Variants in PCDHGA3 observed in about 807,000 individuals in gnomAD.
PCDHGA3 encodes the protein protocadherin gamma subfamily A, 3.
Under a neutral mutation model 58.5 loss-of-function variants are expected in PCDHGA3, and 40 were observed. That is an observed-to-expected ratio of 0.68 (90% CI 0.53 to 0.89). The LOEUF is 0.89. PCDHGA3 is among the 40% of genes least tolerant of loss of function. PCDHGA3 has a pLI of 0.00. For synonymous variants in PCDHGA3, 530 were observed against 525.7 expected (o/e 1.01, Z -0.11); for missense variants, 1,223 against 1,195.9 (o/e 1.02, Z -0.33).
intron 1 of PCDHGA3, chr5:141,410,113 A>G (rs760617436): frequency 3.4e-5 from 55 of 1,612,436 alleles, no homozygotes; most frequent in Non-Finnish European, 4.6e-5. Flanking sequence ...ACAGGGACGC[A>G]GCCCGCCAGC....
At chr5:141,410,363 C>T (rs1341289640) in intron 1 of PCDHGA3, 6 of 1,614,068 alleles carry the variant, frequency 3.7e-6, no homozygotes, top group Non-Finnish European at 3.4e-6. Flanking sequence ...CTCTCTCAGC[C>T]CTGCTACTTG....
intron 1 of PCDHGA3, among the ~76,000 whole-genome samples, chr5:141,347,171 CTTTCTTT>C: frequency 6.9e-6 from 1 of 144,420 alleles, no homozygotes; most frequent in South Asian, 2.2e-4. Context: ...TTCTTTCTTT[CTTTCTTT>C]CTTGACAGGG....
intron 1 of PCDHGA3, among the ~76,000 whole-genome samples, chr5:141,453,065 G>A (rs1308047230): frequency 3.3e-5 from 5 of 151,960 alleles, no homozygotes; most frequent in African/African-American, 1.2e-4. Flanking sequence ...TTAGAGTTTT[G>A]CCACACTCTG....
chr5:141,418,998 G>A (rs757681244), intron 1 of PCDHGA3: 4 of 1,613,940 alleles, frequency 2.5e-6, no homozygotes, highest in South Asian at 2.2e-5. Context: ...GGGGAAAATG[G>A]GGAAGTCAGG....
At chr5:141,360,109 G>T (rs1218338018) in intron 1 of PCDHGA3, 3 of 1,561,508 alleles carry the variant, frequency 1.9e-6, no homozygotes, top group African/African-American at 2.7e-5. Context: ...TTCCTCCTAT[G>T]GGCAAAGGAG....
intron 1 of PCDHGA3, among the ~76,000 whole-genome samples, chr5:141,463,314 A>G (rs1357327211): frequency 2.0e-5 from 3 of 151,098 alleles, no homozygotes; most frequent in Non-Finnish European, 2.9e-5. Context: ...TCTAATATCT[A>G]TTCCTCAACT....
intron 1 of PCDHGA3, chr5:141,375,949 C>A: frequency 6.2e-7 from 1 of 1,613,568 alleles, no homozygotes; most frequent in Non-Finnish European, 8.5e-7. Flanking sequence ...TGGGCCTGCA[C>A]ACGGGCGAGG....
chr5:141,352,485 G>A (rs2149769551), intron 1 of PCDHGA3: 4 of 1,613,958 alleles, frequency 2.5e-6, no homozygotes, highest in Non-Finnish European at 3.4e-6. Context: ...CACAGCGAGG[G>A]GACTTTGCCC....
intron 1 of PCDHGA3, among the ~76,000 whole-genome samples, chr5:141,482,530 C>CAAAAAAAAAAAAA (rs3074545): frequency 3.9e-5 from 3 of 76,560 alleles, no homozygotes; most frequent in African/African-American, 9.6e-5. Context: ...GACAGACATG[C>CAAAAAAAAAAAAA]AAAAAAAAAA....
In PCDHGA3 at chr5:141,413,886, C is replaced by T. The variant is rs916273509; in HGVS notation, c.2424+67429C>T. The T allele has an allele frequency of 8.7e-6, 14 of 1,613,202 alleles. No homozygotes were observed. The African/African-American group carries it at 1.7e-4, about 20-fold the overall frequency. On this transcript the variant is annotated intron_variant, in intron 1 of 3. Transcript: ENST00000253812. ...CTGTCCTTGTCAGTGTGACTGTCTT[C>T]GATGCAAATGACAACGCGCCGGTCT...
At chr5:141,381,657 C>T (rs1224064730) in intron 1 of PCDHGA3, among the ~76,000 whole-genome samples, 5 of 152,134 alleles carry the variant, frequency 3.3e-5, no homozygotes, top group East Asian at 1.9e-4. Context: ...AAATGGGTTG[C>T]TTCTATAGCT....
Position 141,412,876 on chromosome 5 carries a change from A to G in PCDHGA3, c.2424+66419A>G, listed in dbSNP as rs1206092699. 12 of 281,096 alleles carry G rather than the reference A, an allele frequency of 4.3e-5. No homozygotes were observed. The East Asian group carries it at 7.9e-4, about 19-fold the overall frequency. The allele number at this position is 281,096 out of a possible 1,614,324, so 17.4% of individuals were successfully genotyped here. A position where few individuals can be genotyped will look rare whatever the true frequency, so the allele number is the denominator to read the frequency against. On this transcript the variant is annotated intron_variant, in intron 1 of 3. Coordinates refer to ENST00000253812, the MANE Select transcript of PCDHGA3 (RefSeq NM_018916.4). ...CAAAGAATCTATGTAAAATATAATAATCCAACAGAATAGTTTACTTTCCAT... is the reference window on the plus strand; with the variant it reads ...CAAAGAATCTATGTAAAATATAATAGTCCAACAGAATAGTTTACTTTCCAT...
chr5:141,390,583 AATGAG>A (rs1352765004), intron 1 of PCDHGA3: 1 of 348,204 alleles, frequency 2.9e-6, no homozygotes, highest in Non-Finnish European at 5.2e-6. Context: ...CTAAAAAGTG[AATGAG>A]ATTTTTCCTA....
chr5:141,403,259 C>G, intron 1 of PCDHGA3: 1 of 1,613,866 alleles, frequency 6.2e-7, no homozygotes, highest in South Asian at 1.1e-5. Context: ...CCCGCGGTGT[C>G]TGGTGAACTT....
intron 1 of PCDHGA3, among the ~76,000 whole-genome samples, chr5:141,492,808 A>C (rs1261752522): frequency 6.6e-6 from 1 of 152,252 alleles, no homozygotes; most frequent in African/African-American, 2.4e-5. Flanking sequence ...CTGGGACTCC[A>C]GTGGCACCAG....
rs775051614 is a variant in PCDHGA3, at chr5:141,345,047, G to A, written c.1014G>A (p.Leu338=). The A allele has an allele frequency of 6.8e-6, 11 of 1,613,828 alleles. 1 individual carries two copies. The South Asian group carries it at 1.1e-4, about 16-fold the overall frequency. ...LSRAKILVTV[L]DVNDNAPEIT... is the part of the protein sequence containing the mutation. ...GAGCCAAGATTCTAGTCACGGTTCT[G>A]GATGTGAATGACAATGCTCCAGAAA... Residue 338 remains leucine (L), a synonymous_variant, in exon 1 of 4, where the codon CTG becomes CTA. Coordinates refer to ENST00000253812, the MANE Select transcript of PCDHGA3 (RefSeq NM_018916.4).
At position 141,489,297 on chromosome 5, in the gene PCDHGA3, G is replaced by A. The variant is rs184934961; in HGVS notation, c.2425-5510G>A. 5.1e-6 allele frequency: 8 copies of A among 1,583,774 alleles called. No homozygotes were observed. Among genetic ancestry groups the A allele is most frequent in the Non-Finnish European group, 6.9e-6 (8 of 1,164,904 alleles). ...GGAAATGGCAAGTGCTGTGCATGTT[G>A]TCCTTGTGCTGCTGGGGCTGGGTGT... is the stretch of plus-strand genomic sequence containing the variant. On this transcript the variant is annotated intron_variant, in intron 1 of 3. Coordinates refer to ENST00000253812, the MANE Select transcript of PCDHGA3 (RefSeq NM_018916.4). This position sits in a 1 kb window ranked among gnomAD's most constrained non-coding sequence, Gnocchi z 4.5.
chr5:141,474,962 A>G (rs954703806), intron 1 of PCDHGA3, among the ~76,000 whole-genome samples: 3 of 152,256 alleles, frequency 2.0e-5, no homozygotes, highest in Non-Finnish European at 4.4e-5. Flanking sequence ...CACTATCCTA[A>G]TCATTATAAT....
intron 1 of PCDHGA3, chr5:141,398,001 A>T: frequency 5.0e-6 from 7 of 1,388,802 alleles, no homozygotes; most frequent in African/African-American, 4.4e-5. Flanking sequence ...CCTCCTCGGA[A>T]AAAGAATCGT....
Sources: allele counts gnomAD v4.1 joint callset (sites outside exome capture counted in the v4.1 genomes callset), GRCh38; gene constraint gnomAD v4.1.1; non-coding constraint Gnocchi (gnomAD v3.1); transcripts MANE v1.5; gene names NCBI Gene and HGNC (gene_info 2026-07-23, HGNC 2026-07-21).